Variants in ABAT observed in about 807,000 individuals in gnomAD.
The protein encoded by ABAT is 4-aminobutyrate aminotransferase, mitochondrial.
In ABAT, 45 loss-of-function variants were observed where a neutral mutation model predicts 64.6. The ratio of observed to expected loss-of-function variants is 0.70; its 90% CI spans 0.55 to 0.89. ABAT has a LOEUF of 0.89. Among genes scored for constraint, ABAT ranks in the 40% least tolerant of loss-of-function variants. The pLI is 0.00. For synonymous variants in ABAT, 297 were observed against 250.5 expected (o/e 1.19, Z -1.75); for missense variants, 633 against 658.4 (o/e 0.96, Z 0.42).
At chr16:8,733,396 C>G (rs1377522675) in intron 1 of ABAT, among the ~76,000 whole-genome samples, 1 of 151,654 alleles carries the variant, frequency 6.6e-6, no homozygotes, top group African/African-American at 2.4e-5. Flanking sequence ...GATGGGCGGC[C>G]AGGCAGAGAC....
intron 1 of ABAT, among the ~76,000 whole-genome samples, chr16:8,722,202 C>T (rs758946407): frequency 5.9e-5 from 9 of 152,200 alleles, no homozygotes; most frequent in African/African-American, 2.2e-4. Context: ...CCACTCTGTC[C>T]GGCTTTTAAT....
At chr16:8,775,320 G>A (rs1001096770) in intron 13 of ABAT, among the ~76,000 whole-genome samples, 4 of 152,090 alleles carry the variant, frequency 2.6e-5, no homozygotes, top group South Asian at 2.1e-4. Context: ...GACAGCTGCC[G>A]CAGCAGACTG....
intron 1 of ABAT, among the ~76,000 whole-genome samples, chr16:8,727,003 C>T (rs545916810): frequency 5.9e-4 from 90 of 152,170 alleles, no homozygotes; most frequent in Non-Finnish European, 1.1e-3. Context: ...TGAGAAATAT[C>T]TATTCAAATC....
At chr16:8,768,331 C>T in intron 10 of ABAT, 75 bp downstream of exon 10, 2 of 1,467,524 alleles carry the variant, frequency 1.4e-6, no homozygotes, top group African/African-American at 2.8e-5. Flanking sequence ...CGGCGGCTGA[C>T]ATTAGCAGTT....
At chr16:8,697,917 G>A (rs1193833364) in intron 1 of ABAT, among the ~76,000 whole-genome samples, 4 of 152,170 alleles carry the variant, frequency 2.6e-5, no homozygotes, top group Admixed American at 1.3e-4. Flanking sequence ...GATCACAGGC[G>A]TGAGCCACCG....
chr16:8,696,346 G>C (rs909188790), intron 1 of ABAT, among the ~76,000 whole-genome samples: 1 of 152,188 alleles, frequency 6.6e-6, no homozygotes, highest in Non-Finnish European at 1.5e-5. Flanking sequence ...GATCAGGCTA[G>C]GCGTGGTGGC....
intron 5 of ABAT, among the ~76,000 whole-genome samples, chr16:8,752,513 CT>C (rs1439317099): frequency 6.6e-6 from 1 of 152,228 alleles, no homozygotes; most frequent in African/African-American, 2.4e-5. Context: ...AATCCCAGCA[CT>C]TTGGGAGGCC....
intron 1 of ABAT, among the ~76,000 whole-genome samples, chr16:8,693,531 C>T (rs919294600): frequency 6.6e-6 from 1 of 151,954 alleles, no homozygotes; most frequent in Non-Finnish European, 1.5e-5. Context: ...TGCAGTGGCA[C>T]GATCTCAGCT....
In ABAT at chr16:8,768,806, T is replaced by C; in HGVS notation, c.668-19T>C. 2.5e-6 allele frequency: 4 copies of C among 1,614,140 alleles called. No homozygotes were observed. Among genetic ancestry groups the C allele is most frequent in the South Asian group, 1.1e-5 (1 of 91,088 alleles). On this transcript the variant is annotated intron_variant, in intron 10 of 15. Coordinates refer to ENST00000268251, the MANE Select transcript of ABAT (RefSeq NM_020686.6). Reference sequence around the variant, plus strand: ...CTTCCCCAAGCCAAGCGTCTGCTTTTCTGTTTTGCTGAACTCAGGTTGCTT... The same window carrying C: ...CTTCCCCAAGCCAAGCGTCTGCTTTCCTGTTTTGCTGAACTCAGGTTGCTT...
intron 6 of ABAT, among the ~76,000 whole-genome samples, chr16:8,762,426 A>G (rs1403105946): frequency 6.6e-6 from 1 of 152,158 alleles, no homozygotes; most frequent in Non-Finnish European, 1.5e-5. Flanking sequence ...AAGAGTCTCC[A>G]GTTTGGCAGA....
chr16:8,769,147 G>T (rs1056655013), intron 11 of ABAT, among the ~76,000 whole-genome samples, 174 bp downstream of exon 11: 21 of 152,218 alleles, frequency 1.4e-4, no homozygotes, highest in Non-Finnish European at 5.9e-5. Context: ...TATGTTGGGA[G>T]AGTTCGTGAG....
At position 8,764,868 on chromosome 16, in the gene ABAT, C is replaced by A; in HGVS notation, c.540+38C>A. ...GCACACACACACACACACACACAGG[C>A]TCCCCAGCACCCAGCCACACGCTCA... On this transcript the variant is annotated intron_variant, in intron 8 of 15. Coordinates refer to ENST00000268251, the MANE Select transcript of ABAT (RefSeq NM_020686.6). The surrounding 1 kb of genome is among the most constrained non-coding windows in gnomAD (Gnocchi z 4.2). 1 of 1,462,076 alleles carries A rather than the reference C, an allele frequency of 6.8e-7. No individual in the cohort carries two copies. Among genetic ancestry groups the A allele is most frequent in the Non-Finnish European group, 9.6e-7 (1 of 1,044,662 alleles). The allele number at this position is 1,462,076 out of a possible 1,614,324, so 90.6% of individuals were successfully genotyped here.
intron 5 of ABAT, among the ~76,000 whole-genome samples, chr16:8,753,345 T>C (rs1360103822): frequency 6.6e-6 from 1 of 152,172 alleles, no homozygotes; most frequent in Non-Finnish European, 1.5e-5. Flanking sequence ...TCCACCCACC[T>C]TGGCCTCCCA....
rs1205119232 is a variant in ABAT, at chr16:8,702,164, A to G, written c.-42+27453A>G. On this transcript the variant is annotated intron_variant, in intron 1 of 15. Coordinates refer to ENST00000268251, the MANE Select transcript of ABAT (RefSeq NM_020686.6). ...AGTATAGCAGCTTCTGTTTGTGGGAAGACATCAGGAAACTTACAATCATGG... is the reference window on the plus strand; with the variant it reads ...AGTATAGCAGCTTCTGTTTGTGGGAGGACATCAGGAAACTTACAATCATGG... 3.9e-5 allele frequency among the ~76,000 whole-genome samples: 6 copies of G among 152,138 alleles called. 1 individual carries two copies. The highest frequency in any genetic ancestry group is 3.9e-4 in the Admixed American group (6 of 15,270).
chr16:8,715,633 T>TG (rs1199356774), intron 1 of ABAT: 1 of 81,530 alleles, frequency 1.2e-5, no homozygotes, highest in African/African-American at 4.8e-5. Flanking sequence ...ACCCTGTCTC[T>TG]AAAAAAAAAA....
At chr16:8,748,515 G>A (rs569909024) in intron 4 of ABAT, among the ~76,000 whole-genome samples, 4 of 152,072 alleles carry the variant, frequency 2.6e-5, no homozygotes, top group Non-Finnish European at 4.4e-5. Flanking sequence ...TGCTGTTGTT[G>A]GGCAGAGTGT....
At chr16:8,677,663 C>T (rs1293284245) in intron 1 of ABAT, among the ~76,000 whole-genome samples, 1 of 152,136 alleles carries the variant, frequency 6.6e-6, no homozygotes, top group African/African-American at 2.4e-5. Flanking sequence ...AGTGACACTC[C>T]CTACCCCATG....
Position 8,768,849 on chromosome 16 carries a change from A to G in ABAT, c.692A>G (p.Lys231Arg), listed in dbSNP as rs1438740670. 1 of 1,614,002 alleles carries G rather than the reference A, an allele frequency of 6.2e-7. No homozygotes were observed. Among genetic ancestry groups the G allele is most frequent in the East Asian group, 2.2e-5 (1 of 44,890 alleles). Residue 231 changes from lysine to arginine, a missense_variant, in exon 11 of 16, where the codon AAA becomes AGA. By Grantham distance (26) the Lys-to-Arg change is conservative. Coordinates refer to ENST00000268251, the MANE Select transcript of ABAT (RefSeq NM_020686.6). ...TMGCLATTHSKAIHKIDIPSF... is the reference protein window; with the variant it reads ...TMGCLATTHSRAIHKIDIPSF... ...GGTTGCTTAGCGACCACGCACTCTA[A>G]AGCCATTCACAAGATCGACATCCCT...
intron 2 of ABAT, chr16:8,738,367 A>G (rs1038673778): frequency 6.6e-5 from 30 of 454,958 alleles, no homozygotes; most frequent in East Asian, 4.9e-4. Context: ...TGACCTTGGT[A>G]TGTTACCATT....
Sources: gnomAD v4.1 joint callset for allele counts (sites outside exome capture counted in the v4.1 genomes callset) on GRCh38, gnomAD v4.1.1 for gene constraint, Gnocchi (gnomAD v3.1) non-coding constraint, MANE v1.5 for transcripts, NCBI Gene and HGNC (gene_info 2026-07-23, HGNC 2026-07-21) for gene names.